Variants in THSD7B observed in about 807,000 individuals in gnomAD.
THSD7B encodes the protein thrombospondin type-1 domain-containing protein 7B.
Under a neutral mutation model 213.6 loss-of-function variants are expected in THSD7B, and 138 were observed. The ratio of observed to expected loss-of-function variants is 0.65; its 90% CI spans 0.56 to 0.74. THSD7B has a LOEUF of 0.74. Among genes scored for constraint, THSD7B ranks in the 30% least tolerant of loss-of-function variants. The probability of loss-of-function intolerance (pLI) is 0.00; values close to 1 mark genes in which losing one functional copy is unlikely to be tolerated. For missense variants in THSD7B, 1,931 were observed against 1,991.5 expected, an observed-to-expected ratio of 0.97 and a Z score of 0.58; for synonymous variants, 742 against 687.0, an observed-to-expected ratio of 1.08 and a Z score of -1.25.
intron 12 of THSD7B, among the ~76,000 whole-genome samples, chr2:137,377,837 G>A (rs1236683286): frequency 6.6e-6 from 1 of 152,000 alleles, no homozygotes; most frequent in Non-Finnish European, 1.5e-5. Context: ...ATGTTGGCCA[G>A]GCTGGTCTCA....
At chr2:137,372,306 G>C (rs1400827566) in intron 12 of THSD7B, among the ~76,000 whole-genome samples, 1 of 143,070 alleles carries the variant, frequency 7.0e-6, no homozygotes, top group African/African-American at 2.5e-5. Flanking sequence ...ACAGGCCAGA[G>C]AGAGTCTGAT....
intron 5 of THSD7B, among the ~76,000 whole-genome samples, chr2:137,149,258 T>A (rs1363292908): frequency 6.6e-6 from 1 of 152,126 alleles, no homozygotes; most frequent in Non-Finnish European, 1.5e-5. Context: ...AGAGGATATA[T>A]GAGAATACCT....
chr2:137,136,272 AC>A (rs1176462978), intron 5 of THSD7B, among the ~76,000 whole-genome samples: 1 of 152,154 alleles, frequency 6.6e-6, no homozygotes, highest in African/African-American at 2.4e-5. Flanking sequence ...CACATTCTTT[AC>A]TTGTATCCCA....
chr2:136,983,358 G>GACACACAGACACACACACACAC (rs1553462387), intron 2 of THSD7B, among the ~76,000 whole-genome samples: 2 of 105,028 alleles, frequency 1.9e-5, no homozygotes, highest in Admixed American at 9.3e-5. Flanking sequence ...CAGACACACA[G>GACACACAGACACACACACACAC]ACACACACAC....
intron 2 of THSD7B, among the ~76,000 whole-genome samples, chr2:136,951,074 C>T (rs1264295909): frequency 6.6e-6 from 1 of 151,964 alleles, no homozygotes; most frequent in Non-Finnish European, 1.5e-5. Flanking sequence ...TGGTAGCATC[C>T]CCAGAACTGG....
At chr2:137,360,354 T>A (rs189963730) in intron 12 of THSD7B, among the ~76,000 whole-genome samples, 1 of 152,020 alleles carries the variant, frequency 6.6e-6, no homozygotes, top group Admixed American at 6.6e-5. Flanking sequence ...GTTCATCTCA[T>A]TGGGACTGGT....
At chr2:137,178,826 C>T (rs199632098) in intron 7 of THSD7B, among the ~76,000 whole-genome samples, 3 of 152,174 alleles carry the variant, frequency 2.0e-5, no homozygotes, top group Non-Finnish European at 2.9e-5. Context: ...CTGCTGCATA[C>T]GTAGACATTG....
chr2:137,657,282 T>G lies in THSD7B; in HGVS notation c.4375+122T>G. 3.6e-6 allele frequency: 3 copies of G among 843,048 alleles called. No individual in the cohort carries two copies. In the South Asian group the frequency reaches 6.5e-5, roughly 18 times the overall value. 52.2% of individuals were successfully genotyped at this position (843,048 alleles called of 1,614,324 possible). A position where few individuals can be genotyped will look rare whatever the true frequency, so the allele number is the denominator to read the frequency against. On this transcript the variant is annotated intron_variant, in intron 24 of 27. Transcript: ENST00000409968. ...ACTTGGGCAGGTAGCTTAGATGAAT[T>G]TTATTACAAATTTTCATTAGACGTT...
At chr2:137,063,510 T>C (rs1687318144) in intron 3 of THSD7B, among the ~76,000 whole-genome samples, 1 of 152,082 alleles carries the variant, frequency 6.6e-6, no homozygotes, top group Non-Finnish European at 1.5e-5. Context: ...ACCTCAAGCA[T>C]TTATCCTTTG....
intron 2 of THSD7B, among the ~76,000 whole-genome samples, chr2:136,926,561 G>A (rs1390671484): frequency 6.6e-6 from 1 of 152,040 alleles, no homozygotes; most frequent in Non-Finnish European, 1.5e-5. Context: ...AGCCATGGTG[G>A]TGCTTGCATG....
chr2:137,205,392 C>T (rs1005914437), intron 7 of THSD7B, among the ~76,000 whole-genome samples: 44 of 152,144 alleles, frequency 2.9e-4, no homozygotes, highest in African/African-American at 1.0e-3. Flanking sequence ...TAATTAAGAT[C>T]TAAGTTTATC....
rs147586208 is a variant in THSD7B at position 136,958,196 on chromosome 2, C to T, written c.139+75879C>T. Reference sequence around the variant, plus strand: ...TATCAAAATGCAAATACTAGAAACACATTTATTTAAAAAAGCAAAAGTGAC... The same window carrying T: ...TATCAAAATGCAAATACTAGAAACATATTTATTTAAAAAAGCAAAAGTGAC... On this transcript the variant is annotated intron_variant, in intron 2 of 27. Coordinates refer to ENST00000409968, the MANE Select transcript of THSD7B (RefSeq NM_001316349.2). Among the ~76,000 whole-genome samples, 3 of 152,200 alleles carry T rather than the reference C, an allele frequency of 2.0e-5. No homozygotes were observed. The East Asian group carries it at 5.8e-4, about 29-fold the overall frequency.
At chr2:137,630,776 G>A (rs1558865634) in intron 20 of THSD7B, among the ~76,000 whole-genome samples, 1 of 152,182 alleles carries the variant, frequency 6.6e-6, no homozygotes, top group Non-Finnish European at 1.5e-5. Flanking sequence ...CGAACGGGTT[G>A]TAGCAATAGG....
chr2:137,655,671 C>T lies in THSD7B; in HGVS notation c.4105+11C>T. The T allele has an allele frequency of 6.2e-7, 1 of 1,610,232 alleles. No homozygotes were observed. The highest frequency in any genetic ancestry group is 8.5e-7 in the Non-Finnish European group (1 of 1,177,840). On this transcript the variant is annotated intron_variant, in intron 22 of 27. Transcript: ENST00000409968. Reference sequence around the variant, plus strand: ...CTGTGCCTTGCCCAGGTATGCAATGCTAGTGATTGGGAGCGCCTCCCATGG... The same window carrying T: ...CTGTGCCTTGCCCAGGTATGCAATGTTAGTGATTGGGAGCGCCTCCCATGG...
At chr2:136,901,916 T>G (rs984214575) in intron 2 of THSD7B, among the ~76,000 whole-genome samples, 4 of 152,212 alleles carry the variant, frequency 2.6e-5, no homozygotes, top group Admixed American at 2.6e-4. Context: ...AAGCCAGCTT[T>G]CAGACCAGAG....
At chr2:136,991,303 G>T (rs1202264373) in intron 2 of THSD7B, among the ~76,000 whole-genome samples, 3 of 152,074 alleles carry the variant, frequency 2.0e-5, no homozygotes, top group African/African-American at 7.2e-5. Flanking sequence ...ATTGTGGAGG[G>T]AGGTAAAAAA....
Position 137,411,795 on chromosome 2 carries a change from A to G in THSD7B, c.2882A>G (p.Glu961Gly), listed in dbSNP as rs1202626188. Residue 961 changes from glutamate to glycine, a missense_variant, in exon 14 of 28, where the codon GAA (glutamate) becomes GGA (glycine). Physicochemically the swap from Glu to Gly is moderately conservative, Grantham distance 98. Coordinates refer to ENST00000409968, the MANE Select transcript of THSD7B (RefSeq NM_001316349.2). ...CAAGCAGACAGCAAAGAATGTGGAG[A>G]AGGCCTGCGCTTTCGAGCAGTAGCC... is the stretch of plus-strand genomic sequence containing the variant. ...RVQADSKECG[E>G]GLRFRAVACS... The G allele has an allele frequency of 1.2e-6, 2 of 1,613,928 alleles. No homozygotes were observed. The highest frequency in any genetic ancestry group is 2.7e-5 in the African/African-American group (2 of 75,022).
At chr2:136,775,792 G>A (rs1309388463) in intron 1 of THSD7B, among the ~76,000 whole-genome samples, 1 of 152,086 alleles carries the variant, frequency 6.6e-6, no homozygotes, top group African/African-American at 2.4e-5. Context: ...ATCCCATTAA[G>A]TGCATAGAAT....
At chr2:137,496,905 A>G (rs1275322654) in intron 15 of THSD7B, among the ~76,000 whole-genome samples, 3 of 152,192 alleles carry the variant, frequency 2.0e-5, no homozygotes, top group Non-Finnish European at 4.4e-5. Flanking sequence ...GTTACCCTTG[A>G]GGAGTTCCAA....
Sources: gnomAD v4.1 joint callset for allele counts (sites outside exome capture counted in the v4.1 genomes callset) on GRCh38, gnomAD v4.1.1 for gene constraint, MANE v1.5 for transcripts, NCBI Gene and HGNC (gene_info 2026-07-23, HGNC 2026-07-21) for gene names.